The following ZNF420 variants were observed in gnomAD, a reference collection of about 807,000 sequenced individuals.
ZNF420 encodes ATM and p53-associated KZNF protein.
ZNF420 carries 31 observed loss-of-function variants against 44.7 expected under a neutral mutation model. The ratio of observed to expected loss-of-function variants is 0.69; its 90% CI spans 0.52 to 0.94. ZNF420 has a LOEUF of 0.94. Ranked by LOEUF, ZNF420 falls within the 40% of genes least tolerant of loss-of-function variation. The pLI, the probability that ZNF420 is intolerant of heterozygous loss-of-function variation, is 0.00. For synonymous variants in ZNF420, 245 were observed against 267.4 expected, an observed-to-expected ratio of 0.92 and a Z score of 0.82; for missense variants, 681 against 827.9, an observed-to-expected ratio of 0.82 and a Z score of 2.18.
At chr19:37,023,069 C>CCACTTAATTTATGCAT (rs1568421758) in intron 1 of ZNF420, among the ~76,000 whole-genome samples, 1 of 151,860 alleles carries the variant, frequency 6.6e-6, no homozygotes, top group Admixed American at 6.6e-5. Context: ...ACCCAGGAGG[C>CCACTTAATTTATGCAT]AGAGGTTGCA....
intron 4 of ZNF420, among the ~76,000 whole-genome samples, chr19:37,117,320 CGCTGTTCTGCAGCCACT>C (rs1970752242): frequency 6.6e-6 from 1 of 150,740 alleles, no homozygotes; most frequent in Non-Finnish European, 1.5e-5. Flanking sequence ...CTACAGCCAC[CGCTGTTCTGCAGCCACT>C]GCTGCTGATA....
intron 1 of ZNF420, among the ~76,000 whole-genome samples, chr19:37,055,076 A>T (rs77385827): frequency 0.024 from 3,671 of 152,288 alleles, 159 homozygotes; most frequent in African/African-American, 0.083. Flanking sequence ...TTTGGGAGGT[A>T]GGGATTTAAG....
At chr19:37,061,635 AT>A (rs1264468181) in intron 1 of ZNF420, among the ~76,000 whole-genome samples, 1 of 152,218 alleles carries the variant, frequency 6.6e-6, no homozygotes, top group Non-Finnish European at 1.5e-5. Flanking sequence ...CAAGGAAAAT[AT>A]TTAAGATGTC....
intron 1 of ZNF420, among the ~76,000 whole-genome samples, chr19:37,018,354 A>T (rs933868383): frequency 1.3e-5 from 2 of 152,172 alleles, no homozygotes; most frequent in Non-Finnish European, 2.9e-5. Flanking sequence ...AACCCTAAAA[A>T]CTAGGAATAA....
At chr19:37,117,544 A>G (rs560670495) in intron 4 of ZNF420, among the ~76,000 whole-genome samples, 163 of 152,326 alleles carry the variant, frequency 1.1e-3, no homozygotes, top group African/African-American at 3.9e-3. Flanking sequence ...AAAAACTGGA[A>G]ACTCTAAAAA....
chr19:37,010,001 C>T (rs1296859150), intron 1 of ZNF420, among the ~76,000 whole-genome samples: 3 of 152,182 alleles, frequency 2.0e-5, no homozygotes, highest in Non-Finnish European at 2.9e-5. Flanking sequence ...GCCCCTACTG[C>T]CGCCGCCATT....
At chr19:37,113,924 A>C (rs1354232486) in intron 4 of ZNF420, among the ~76,000 whole-genome samples, 1 of 152,158 alleles carries the variant, frequency 6.6e-6, no homozygotes, top group Non-Finnish European at 1.5e-5. Context: ...AAAATCTCCC[A>C]ATCATAAAGA....
chr19:37,019,523 C>T (rs1191079840), intron 1 of ZNF420, among the ~76,000 whole-genome samples: 3 of 151,360 alleles, frequency 2.0e-5, no homozygotes, highest in Non-Finnish European at 4.4e-5. Flanking sequence ...GCCTGTAATC[C>T]CAACACTTGG....
In ZNF420 at chr19:37,118,889, T is replaced by G. The variant is rs374852379; in HGVS notation, c.137-8239T>G. ...AGACAAAGAAGGCCATTACATAATG[T>G]TAAAGGGATCAATTCACCAAGAAGA... On this transcript the variant is annotated intron_variant, in intron 4 of 4. Coordinates refer to ENST00000337995, the MANE Select transcript of ZNF420 (RefSeq NM_144689.5). Among the ~76,000 whole-genome samples the G allele has an allele frequency of 1.1e-4, 16 of 152,076 alleles. 1 individual carries two copies. The South Asian group carries it at 1.5e-3, about 14-fold the overall frequency.
chr19:37,066,205 G>A (rs764582078), intron 1 of ZNF420, among the ~76,000 whole-genome samples: 1 of 152,232 alleles, frequency 6.6e-6, no homozygotes, highest in Non-Finnish European at 1.5e-5. Context: ...CACTTTGGGA[G>A]GCTGCGGCGG....
At chr19:37,111,275 C>T (rs1019725782) in intron 4 of ZNF420, among the ~76,000 whole-genome samples, 3 of 152,250 alleles carry the variant, frequency 2.0e-5, no homozygotes, top group Non-Finnish European at 2.9e-5. Flanking sequence ...TGTTGCCTCT[C>T]GGGTTAATAT....
intron 3 of ZNF420, among the ~76,000 whole-genome samples, chr19:37,090,690 G>T (rs1382790714): frequency 1.3e-5 from 2 of 152,050 alleles, no homozygotes; most frequent in African/African-American, 4.8e-5. Flanking sequence ...GGGAGGCCTA[G>T]TCGGGTGAAT....
intron 1 of ZNF420, among the ~76,000 whole-genome samples, chr19:37,015,959 A>G (rs1476780658): frequency 6.6e-6 from 1 of 152,084 alleles, no homozygotes; most frequent in Non-Finnish European, 1.5e-5. Flanking sequence ...GTCTGGCTCT[A>G]CATTCTCTAC....
In ZNF420 at chr19:37,129,585, A is replaced by G. The variant is rs1339555509; in HGVS notation, c.*527A>G. 1 of 158,482 alleles carries G rather than the reference A, an allele frequency of 6.3e-6. No homozygotes were observed. Among genetic ancestry groups the G allele is most frequent in the African/African-American group, 2.4e-5 (1 of 41,558 alleles). 9.8% of individuals were successfully genotyped at this position (158,482 alleles called of 1,614,324 possible). A position where few individuals can be genotyped will look rare whatever the true frequency, so the allele number is the denominator to read the frequency against. On this transcript the variant is annotated 3_prime_UTR_variant, in exon 5 of 5. Transcript: ENST00000337995. ...GTACTTATGAGTATAATGAATATTG[A>G]GAAATCTTTTATCAACACATCCAAG...
chr19:37,114,663 T>C (rs559508826), intron 4 of ZNF420, among the ~76,000 whole-genome samples: 1 of 152,352 alleles, frequency 6.6e-6, no homozygotes, highest in East Asian at 1.9e-4. Context: ...CCGGCTCTGC[T>C]ACATATTTAC....
intron 4 of ZNF420, among the ~76,000 whole-genome samples, chr19:37,096,902 C>CTTTTTT (rs1320093092): frequency 7.0e-6 from 1 of 142,022 alleles, no homozygotes; most frequent in African/African-American, 2.6e-5. Context: ...TTTTCTTATT[C>CTTTTTT]TTTTTTTTTT....
chr19:37,065,375 C>T (rs909890178), intron 1 of ZNF420, among the ~76,000 whole-genome samples: 2 of 152,214 alleles, frequency 1.3e-5, no homozygotes, highest in Admixed American at 1.3e-4. Flanking sequence ...ACATGCAAGC[C>T]CTGCCTCAGC....
intron 1 of ZNF420, among the ~76,000 whole-genome samples, chr19:37,016,205 A>G (rs2074607609): frequency 6.6e-6 from 1 of 152,308 alleles, no homozygotes; most frequent in African/African-American, 2.4e-5. Flanking sequence ...CTTCTAATCT[A>G]GGCTGTGTTT....
At chr19:37,105,492 G>T (rs1970025635) in intron 4 of ZNF420, among the ~76,000 whole-genome samples, 1 of 114 alleles carries the variant, frequency 8.8e-3, no homozygotes, top group Non-Finnish European at 0.019. Flanking sequence ...GTTCTTTTTT[G>T]GTTCCATATT....
Sources: gnomAD v4.1 joint callset for allele counts (sites outside exome capture counted in the v4.1 genomes callset) on GRCh38, gnomAD v4.1.1 for gene constraint, MANE v1.5 for transcripts, NCBI Gene and HGNC (gene_info 2026-07-23, HGNC 2026-07-21) for gene names.